EPB41L2: variants seen among roughly 807,000 people sequenced by gnomAD.
The protein encoded by EPB41L2 is band 4.1-like protein 2.
EPB41L2 carries 43 observed loss-of-function variants against 113.0 expected under a neutral mutation model. That is an observed-to-expected ratio of 0.38 (90% CI 0.30 to 0.49). The LOEUF is 0.49. Ranked by LOEUF, EPB41L2 falls within the 20% of genes least tolerant of loss-of-function variation. EPB41L2 has a pLI of 0.95. For synonymous variants in EPB41L2, 442 were observed against 436.7 expected, an observed-to-expected ratio of 1.01 and a Z score of -0.15; for missense variants, 1,147 against 1,223.4, an observed-to-expected ratio of 0.94 and a Z score of 0.93.
chr6:130,975,512 A>G (rs754785355), intron 1 of EPB41L2, among the ~76,000 whole-genome samples: 131 of 152,342 alleles, frequency 8.6e-4, no homozygotes, highest in Non-Finnish European at 1.7e-3. Flanking sequence ...TCATGGCTCA[A>G]AAACCTTAAG....
At chr6:130,912,901 A>T (rs1799866384) in intron 4 of EPB41L2, among the ~76,000 whole-genome samples, 1 of 152,182 alleles carries the variant, frequency 6.6e-6, no homozygotes, top group Non-Finnish European at 1.5e-5. Context: ...AAGAAAAAAA[A>T]AGTCCCCAGA....
chr6:131,035,912 GA>G (rs1280022714), intron 1 of EPB41L2, among the ~76,000 whole-genome samples: 2 of 152,152 alleles, frequency 1.3e-5, no homozygotes, highest in African/African-American at 4.8e-5. Context: ...CCAAAGTTTG[GA>G]GGCCAGAATA....
At chr6:130,998,786 T>C (rs1218611486) in intron 1 of EPB41L2, among the ~76,000 whole-genome samples, 2 of 152,176 alleles carry the variant, frequency 1.3e-5, no homozygotes, top group Non-Finnish European at 2.9e-5. Flanking sequence ...TCAATCCTAC[T>C]TTGAATCCCA....
intron 1 of EPB41L2, among the ~76,000 whole-genome samples, chr6:131,052,076 A>G (rs1796679985): frequency 6.6e-6 from 1 of 151,850 alleles, no homozygotes; most frequent in African/African-American, 2.4e-5. Context: ...AGCTGGGACT[A>G]CAGGCGCCCA....
chr6:131,021,488 T>C (rs1052678175), intron 1 of EPB41L2, among the ~76,000 whole-genome samples: 8 of 152,024 alleles, frequency 5.3e-5, no homozygotes, highest in Admixed American at 4.6e-4. Context: ...GGAATCCTAT[T>C]TAAAAATGGC....
chr6:131,046,326 C>G (rs1401770656), intron 1 of EPB41L2, among the ~76,000 whole-genome samples: 2 of 152,208 alleles, frequency 1.3e-5, no homozygotes, highest in East Asian at 3.9e-4. Flanking sequence ...CCTGAACCAC[C>G]TAAGAGAAAA....
At chr6:131,061,180 C>A (rs111508418) in intron 1 of EPB41L2, among the ~76,000 whole-genome samples, 1 of 152,064 alleles carries the variant, frequency 6.6e-6, no homozygotes, top group Admixed American at 6.5e-5. Context: ...GGAAAGAAAC[C>A]GTCCCTTCCC....
intron 1 of EPB41L2, among the ~76,000 whole-genome samples, chr6:131,006,539 G>A (rs535307637): frequency 1.7e-4 from 26 of 151,356 alleles, no homozygotes; most frequent in South Asian, 1.0e-3. Context: ...GTGTGGTGGT[G>A]CGCGCCTGTA....
intron 1 of EPB41L2, among the ~76,000 whole-genome samples, chr6:130,974,941 G>A (rs1007175531): frequency 5.9e-5 from 9 of 151,514 alleles, no homozygotes; most frequent in Non-Finnish European, 1.3e-4. Context: ...TTATTTTTAG[G>A]AGAGACGGGG....
chr6:131,005,151 G>A (rs1191703747), intron 1 of EPB41L2, among the ~76,000 whole-genome samples: 1 of 151,432 alleles, frequency 6.6e-6, no homozygotes, highest in African/African-American at 2.4e-5. Flanking sequence ...CAATTCCCAA[G>A]ACGGTGCTTA....
intron 1 of EPB41L2, among the ~76,000 whole-genome samples, chr6:130,969,600 T>TCAAACCAAAAGGATAAAAAA (rs1293184436): frequency 1.8e-4 from 28 of 152,148 alleles, no homozygotes; most frequent in Non-Finnish European, 2.6e-4. Context: ...TGTGACAATA[T>TCAAACCAAAAGGATAAAAAA]CAAACCAATA....
intron 4 of EPB41L2, 147 bp downstream of exon 4, chr6:130,926,458 T>C (rs1804771114): frequency 4.7e-6 from 3 of 633,728 alleles, no homozygotes; most frequent in Non-Finnish European, 5.4e-6. Context: ...CTACACAAGA[T>C]AGTTTTTCAG....
At chr6:131,031,664 T>C (rs1041856982) in intron 1 of EPB41L2, among the ~76,000 whole-genome samples, 2 of 152,104 alleles carry the variant, frequency 1.3e-5, no homozygotes, top group Admixed American at 1.3e-4. Flanking sequence ...TTGTAAACAT[T>C]TACAACCAAA....
intron 3 of EPB41L2, among the ~76,000 whole-genome samples, chr6:130,929,445 C>T (rs1805939939): frequency 6.6e-6 from 1 of 152,118 alleles, no homozygotes; most frequent in South Asian, 2.1e-4. Flanking sequence ...AAAAAGGAAG[C>T]CATCCAGAAT....
intron 1 of EPB41L2, among the ~76,000 whole-genome samples, chr6:131,061,934 A>G (rs77753631): frequency 0.011 from 1,625 of 152,272 alleles, 31 homozygotes; most frequent in African/African-American, 0.036. Flanking sequence ...TGGCACACAC[A>G]TGCCATTTCA....
At chr6:130,848,137 C>T (rs1208062773) in intron 19 of EPB41L2, among the ~76,000 whole-genome samples, 2 of 149,110 alleles carry the variant, frequency 1.3e-5, no homozygotes, top group African/African-American at 4.9e-5. Context: ...ATAAAGATAG[C>T]TTAAAACACT....
intron 1 of EPB41L2, among the ~76,000 whole-genome samples, chr6:131,059,187 T>C (rs371884367): frequency 2.9e-4 from 43 of 147,522 alleles, no homozygotes; most frequent in African/African-American, 1.0e-3. Flanking sequence ...CAATCTCCGC[T>C]CACAGCAAGC....
chr6:131,046,078 A>ATTTT (rs36055181), intron 1 of EPB41L2, among the ~76,000 whole-genome samples: 1 of 123,986 alleles, frequency 8.1e-6, no homozygotes. Context: ...TCCGAAGCTA[A>ATTTT]TTTTTTTTTT....
At chr6:130,970,405 C>T (rs935782857) in intron 1 of EPB41L2, 2 of 152,226 alleles carry the variant, frequency 1.3e-5, no homozygotes, top group African/African-American at 4.8e-5. Flanking sequence ...CCAAGCCAGA[C>T]CCTGCTGGAG....
Sources: gnomAD v4.1 joint callset for allele counts (sites outside exome capture counted in the v4.1 genomes callset) on GRCh38, gnomAD v4.1.1 for gene constraint, MANE v1.5 for transcripts, NCBI Gene and HGNC (gene_info 2026-07-23, HGNC 2026-07-21) for gene names.